Variants in PIK3C2G observed in about 807,000 individuals in gnomAD.
The protein encoded by PIK3C2G is phosphatidylinositol 3-kinase C2 domain-containing subunit gamma.
In PIK3C2G, 168 loss-of-function variants were observed where a neutral mutation model predicts 181.1. The observed-to-expected ratio is 0.93, with a 90% CI of 0.82 to 1.05. PIK3C2G has a LOEUF of 1.05. PIK3C2G is among the 50% of genes least tolerant of loss of function. PIK3C2G has a pLI of 0.00. For synonymous variants in PIK3C2G, 573 were observed against 592.2 expected (o/e 0.97, Z 0.47); for missense variants, 1,869 against 1,732.8 (o/e 1.08, Z -1.40).
intron 30 of PIK3C2G, among the ~76,000 whole-genome samples, chr12:18,594,979 G>A (rs1947281661): frequency 6.6e-6 from 1 of 151,968 alleles, no homozygotes; most frequent in South Asian, 2.1e-4. Context: ...TAAAATGGTT[G>A]AGAACTTTTT....
chr12:18,307,821 G>T (rs1238619011), intron 5 of PIK3C2G, among the ~76,000 whole-genome samples: 1 of 151,352 alleles, frequency 6.6e-6, no homozygotes, highest in Non-Finnish European at 1.5e-5. Flanking sequence ...TATCACGTAG[G>T]CCACAGAAGA....
intron 24 of PIK3C2G, among the ~76,000 whole-genome samples, chr12:18,530,629 G>A (rs1433055351): frequency 3.3e-5 from 5 of 152,244 alleles, no homozygotes; most frequent in South Asian, 2.1e-4. Flanking sequence ...CAAATCTCAC[G>A]TTGAATTGTA....
chr12:18,407,306 C>A (rs1291599522), intron 16 of PIK3C2G, among the ~76,000 whole-genome samples: 4 of 152,052 alleles, frequency 2.6e-5, no homozygotes, highest in African/African-American at 9.7e-5. Context: ...GAGTTAGCAT[C>A]TTAATAATAT....
At chr12:18,602,478 G>A (rs1339943221) in intron 30 of PIK3C2G, among the ~76,000 whole-genome samples, 2 of 137,466 alleles carry the variant, frequency 1.5e-5, no homozygotes, top group African/African-American at 2.6e-5. Flanking sequence ...ACATATAATT[G>A]TGGGAGTTCT....
At chr12:18,465,065 AT>A (rs1272675796) in intron 18 of PIK3C2G, among the ~76,000 whole-genome samples, 1 of 151,964 alleles carries the variant, frequency 6.6e-6, no homozygotes, top group Non-Finnish European at 1.5e-5. Context: ...TCTACACTTA[AT>A]TTATCAGAAT....
intron 24 of PIK3C2G, among the ~76,000 whole-genome samples, chr12:18,505,894 T>C (rs1373662392): frequency 6.6e-6 from 1 of 152,162 alleles, no homozygotes; most frequent in African/African-American, 2.4e-5. Context: ...TCCACAGATA[T>C]TTAGGGAATA....
chr12:18,309,714 T>C (rs1306445179), intron 5 of PIK3C2G, among the ~76,000 whole-genome samples: 1 of 151,840 alleles, frequency 6.6e-6, no homozygotes, highest in Non-Finnish European at 1.5e-5. Flanking sequence ...TAATAATTTT[T>C]ACCATTTTAT....
chr12:18,246,763 C>A (rs775272698), upstream of PIK3C2G, among the ~76,000 whole-genome samples: 8 of 152,220 alleles, frequency 5.3e-5, no homozygotes, highest in Non-Finnish European at 1.0e-4. Context: ...AGCAATACGG[C>A]AGTCATTCAG....
At chr12:18,467,968 C>A (rs148784210) in intron 18 of PIK3C2G, among the ~76,000 whole-genome samples, 1 of 151,930 alleles carries the variant, frequency 6.6e-6, no homozygotes, top group East Asian at 1.9e-4. Context: ...TGTTTTAAAA[C>A]AAATTATAGG....
chr12:18,689,225 T>C, the PIK3C2G span, among the ~76,000 whole-genome samples: 23 of 152,040 alleles, frequency 1.5e-4, no homozygotes, highest in African/African-American at 5.1e-4. Flanking sequence ...TTACAGGTAA[T>C]AGACCCTTCC....
the PIK3C2G span, chr12:18,712,742 T>TATC: frequency 1.5e-5 from 21 of 1,399,692 alleles, no homozygotes; most frequent in Non-Finnish European, 2.1e-5. Context: ...CAATTTGAAA[T>TATC]ATCATCTAAA....
chr12:18,596,346 G>A (rs1947361635), intron 30 of PIK3C2G, among the ~76,000 whole-genome samples: 1 of 151,944 alleles, frequency 6.6e-6, no homozygotes, highest in African/African-American at 2.4e-5. Flanking sequence ...TAAATATTAT[G>A]GATACCAGAC....
chr12:18,622,607 T>A (rs2136674172), intron 31 of PIK3C2G, among the ~76,000 whole-genome samples: 1 of 151,988 alleles, frequency 6.6e-6, no homozygotes, highest in Non-Finnish European at 1.5e-5. Context: ...GGCAATCTTG[T>A]TTTTAGTTTC....
intron 9 of PIK3C2G, among the ~76,000 whole-genome samples, chr12:18,341,366 G>GTA (rs1792395178): frequency 6.6e-6 from 1 of 152,004 alleles, no homozygotes; most frequent in Non-Finnish European, 1.5e-5. Flanking sequence ...TTATGTACTA[G>GTA]TATAAACACA....
chr12:18,417,756 CA>C (rs530211891), intron 16 of PIK3C2G, among the ~76,000 whole-genome samples: 2,700 of 143,466 alleles, frequency 0.019, 53 homozygotes, highest in African/African-American at 0.055. Flanking sequence ...TTAAAAAAAA[CA>C]AAAAAAAAAT....
chr12:18,380,830 A>AT (rs909246933), intron 13 of PIK3C2G, among the ~76,000 whole-genome samples: 3 of 152,172 alleles, frequency 2.0e-5, no homozygotes, highest in African/African-American at 4.8e-5. Context: ...TATTTGTTGA[A>AT]TTTTTTCCTC....
intron 6 of PIK3C2G, among the ~76,000 whole-genome samples, chr12:18,319,341 T>C (rs1360948385): frequency 2.6e-5 from 4 of 152,174 alleles, no homozygotes; most frequent in Non-Finnish European, 4.4e-5. Flanking sequence ...AAAAAAAATT[T>C]TAACTTTTTC....
the PIK3C2G span, among the ~76,000 whole-genome samples, chr12:18,669,147 C>A: frequency 6.6e-6 from 1 of 152,080 alleles, no homozygotes; most frequent in Non-Finnish European, 1.5e-5. Context: ...TGATTATTTT[C>A]TTGATTCCTC....
intron 7 of PIK3C2G, among the ~76,000 whole-genome samples, 153 bp from the exon 8 acceptor site, chr12:18,324,882 A>G (rs1951266635): frequency 6.6e-6 from 1 of 152,158 alleles, no homozygotes; most frequent in Admixed American, 6.5e-5. Flanking sequence ...CACCCTTCTG[A>G]GATGTTTTTA....
Sources: allele counts gnomAD v4.1 joint callset (sites outside exome capture counted in the v4.1 genomes callset), GRCh38; gene constraint gnomAD v4.1.1; transcripts MANE v1.5; gene names NCBI Gene and HGNC (gene_info 2026-07-23, HGNC 2026-07-21).